Variants in TMTC2 observed in about 807,000 individuals in gnomAD.
TMTC2 encodes the protein protein O-mannosyl-transferase TMTC2.
A neutral mutation model predicts 82.4 loss-of-function variants in TMTC2; 43 were observed. That is an observed-to-expected ratio of 0.52 (90% CI 0.41 to 0.67). The LOEUF (loss-of-function observed/expected upper bound fraction) is 0.67. Among genes scored for constraint, TMTC2 ranks in the 30% least tolerant of loss-of-function variants. The pLI is 0.00. For missense variants in TMTC2, 919 were observed against 1,012.4 expected, an observed-to-expected ratio of 0.91 and a Z score of 1.25; for synonymous variants, 408 against 381.9, an observed-to-expected ratio of 1.07 and a Z score of -0.80.
At chr12:83,014,790 C>A (rs2137392884) in intron 8 of TMTC2, among the ~76,000 whole-genome samples, 1 of 151,934 alleles carries the variant, frequency 6.6e-6, no homozygotes, top group East Asian at 1.9e-4. Context: ...TATATGTTAC[C>A]TTATTTAATC....
chr12:83,002,586 A>C (rs914947966), intron 8 of TMTC2, among the ~76,000 whole-genome samples: 1 of 152,088 alleles, frequency 6.6e-6, no homozygotes, highest in Non-Finnish European at 1.5e-5. Context: ...TTTTCATCCC[A>C]AAAATTATGG....
intron 10 of TMTC2, among the ~76,000 whole-genome samples, chr12:83,058,434 C>G (rs1207349908): frequency 6.6e-6 from 1 of 151,768 alleles, no homozygotes. Context: ...CTTTTTTCTT[C>G]TTCCTTACCC....
intron 8 of TMTC2, among the ~76,000 whole-genome samples, chr12:82,991,074 A>C (rs1879379189): frequency 6.6e-6 from 1 of 152,192 alleles, no homozygotes; most frequent in Non-Finnish European, 1.5e-5. Flanking sequence ...AACAACCCTT[A>C]GGGAGTATTA....
At chr12:82,830,019 G>T (rs1326130579) in intron 1 of TMTC2, among the ~76,000 whole-genome samples, 2 of 152,152 alleles carry the variant, frequency 1.3e-5, no homozygotes, top group African/African-American at 4.8e-5. Flanking sequence ...ACTATGTAGA[G>T]AATATTAAAG....
rs536588888 is a variant in TMTC2, at chr12:82,708,363, G to C, written c.83+20694G>C. ...GAGTGAAAGCTCAAGGTCAGACTTA[G>C]AGATGTAAAATTTTACAGACTTCCC... On this transcript the variant is annotated intron_variant, in intron 1 of 11. Transcript: ENST00000321196. 4.6e-5 allele frequency among the ~76,000 whole-genome samples: 7 copies of C among 152,312 alleles called. No individual in the cohort carries two copies. In the South Asian group the frequency reaches 1.4e-3, roughly 32 times the overall value.
intron 2 of TMTC2, among the ~76,000 whole-genome samples, chr12:82,860,922 C>T (rs1871509057): frequency 6.6e-6 from 1 of 152,164 alleles, no homozygotes; most frequent in Non-Finnish European, 1.5e-5. Context: ...CATATTCTGT[C>T]TGTAAAATAT....
chr12:82,893,381 AAAAG>A (rs575506267), intron 2 of TMTC2, among the ~76,000 whole-genome samples: 5,854 of 135,998 alleles, frequency 0.043, 126 homozygotes, highest in East Asian at 0.094. Context: ...AAAAAAAAAA[AAAAG>A]AAAAGAAAAG....
chr12:83,073,625 T>C (rs1036696965), intron 11 of TMTC2, among the ~76,000 whole-genome samples: 2 of 152,218 alleles, frequency 1.3e-5, no homozygotes, highest in South Asian at 4.1e-4. Flanking sequence ...TATTCTTAAG[T>C]TTGGTCATTT....
intron 11 of TMTC2, among the ~76,000 whole-genome samples, chr12:83,102,530 C>T (rs1228235780): frequency 2.6e-5 from 4 of 152,160 alleles, no homozygotes; most frequent in Non-Finnish European, 5.9e-5. Context: ...AACAGTCATG[C>T]ATGTGATAAG....
Position 83,005,787 on chromosome 12 carries a change from A to G in TMTC2, c.2070+19741A>G, listed in dbSNP as rs182181015. On this transcript the variant is annotated intron_variant, in intron 8 of 11. Transcript: ENST00000321196. ...AAAGCAGTATGCCTGCTCCTGTGCA[A>G]GCAGCCAAGCAGGGAACCCCAGGAG... 7.5e-4 allele frequency among the ~76,000 whole-genome samples: 115 copies of G among 152,328 alleles called. No homozygotes were observed. The East Asian group carries it at 0.014, about 18-fold the overall frequency.
intron 1 of TMTC2, among the ~76,000 whole-genome samples, chr12:82,839,608 T>C (rs1870229107): frequency 1.3e-5 from 2 of 152,228 alleles, no homozygotes; most frequent in South Asian, 4.1e-4. Context: ...AAGTGTGTAA[T>C]TGGAAATGCC....
intron 1 of TMTC2, among the ~76,000 whole-genome samples, chr12:82,761,240 A>G (rs1486228251): frequency 1.3e-5 from 2 of 152,178 alleles, no homozygotes; most frequent in Non-Finnish European, 2.9e-5. Flanking sequence ...ACAACAAAGT[A>G]CCTTTTTCAT....
chr12:82,731,026 AT>A (rs1228606367), intron 1 of TMTC2, among the ~76,000 whole-genome samples: 1 of 152,210 alleles, frequency 6.6e-6, no homozygotes, highest in African/African-American at 2.4e-5. Context: ...TTTTAAATGC[AT>A]CTGTAGCTAT....
intron 1 of TMTC2, among the ~76,000 whole-genome samples, chr12:82,841,593 G>A (rs1376783309): frequency 6.6e-6 from 1 of 152,092 alleles, no homozygotes; most frequent in African/African-American, 2.4e-5. Flanking sequence ...TTTAATGTAG[G>A]GATGTCTGTG....
intron 1 of TMTC2, among the ~76,000 whole-genome samples, chr12:82,697,173 G>A (rs1177534834): frequency 5.3e-5 from 8 of 151,318 alleles, no homozygotes; most frequent in East Asian, 2.0e-4. Flanking sequence ...GTGAAACCCC[G>A]TCTCTACTAA....
chr12:82,751,303 C>T (rs191314654), intron 1 of TMTC2, among the ~76,000 whole-genome samples: 6 of 151,530 alleles, frequency 4.0e-5, no homozygotes, highest in South Asian at 4.2e-4. Flanking sequence ...AACCAAACAC[C>T]GCATATTCTC....
chr12:83,032,515 G>A (rs1285593645), intron 9 of TMTC2, among the ~76,000 whole-genome samples: 1 of 151,016 alleles, frequency 6.6e-6, no homozygotes, highest in African/African-American at 2.4e-5. Flanking sequence ...AAAATTTTTG[G>A]ATTTAAACAG....
At chr12:82,951,323 G>A (rs534406728) in intron 4 of TMTC2, among the ~76,000 whole-genome samples, 6 of 151,100 alleles carry the variant, frequency 4.0e-5, no homozygotes, top group African/African-American at 1.5e-4. Flanking sequence ...ATGGAGTCTC[G>A]CTCTGTCGCT....
chr12:82,908,536 A>C (rs1874442658), intron 3 of TMTC2, among the ~76,000 whole-genome samples: 1 of 152,066 alleles, frequency 6.6e-6, no homozygotes, highest in East Asian at 1.9e-4. Context: ...TAAGCCCAGG[A>C]ATTGATTATA....
Sources: allele counts gnomAD v4.1 joint callset (sites outside exome capture counted in the v4.1 genomes callset), GRCh38; gene constraint gnomAD v4.1.1; transcripts MANE v1.5; gene names NCBI Gene and HGNC (gene_info 2026-07-23, HGNC 2026-07-21).